Variants in YWHAE observed in about 807,000 individuals in gnomAD.
YWHAE encodes the protein 14-3-3 protein epsilon.
A neutral mutation model predicts 30.1 loss-of-function variants in YWHAE; 4 were observed. That is an observed-to-expected ratio of 0.13 (90% CI 0.07 to 0.30). The LOEUF (loss-of-function observed/expected upper bound fraction) is 0.30. YWHAE is among the 10% of genes least tolerant of loss of function. The pLI is 1.00. For synonymous variants in YWHAE, 118 were observed against 111.8 expected, an observed-to-expected ratio of 1.06 and a Z score of -0.35; for missense variants, 121 against 315.9, an observed-to-expected ratio of 0.38 and a Z score of 4.68.
chr17:1,390,365 T>C (rs1324733776), intron 1 of YWHAE, among the ~76,000 whole-genome samples: 1 of 152,246 alleles, frequency 6.6e-6, no homozygotes, highest in Non-Finnish European at 1.5e-5. Flanking sequence ...TCTTTGTGCA[T>C]ATCTTACATA....
intron 1 of YWHAE, among the ~76,000 whole-genome samples, chr17:1,383,948 G>A (rs945658962): frequency 6.6e-6 from 1 of 151,940 alleles, no homozygotes; most frequent in African/African-American, 2.4e-5. Context: ...GCTCACGCCT[G>A]TAATTCAAGC....
At chr17:1,355,148 A>AAAAAAAAAGT (rs1555639303) in intron 4 of YWHAE, among the ~76,000 whole-genome samples, 1 of 76,796 alleles carries the variant, frequency 1.3e-5, no homozygotes. Context: ...AAAAAAAAAA[A>AAAAAAAAAGT]TTTTTTTTTT....
intron 5 of YWHAE, among the ~76,000 whole-genome samples, chr17:1,353,991 C>T (rs1463887033): frequency 6.6e-6 from 1 of 152,142 alleles, no homozygotes; most frequent in African/African-American, 2.4e-5. Flanking sequence ...CTGTCCTCAA[C>T]CTTTGAAACA....
At chr17:1,348,419 A>C (rs1020191651) in intron 5 of YWHAE, among the ~76,000 whole-genome samples, 1 of 152,220 alleles carries the variant, frequency 6.6e-6, no homozygotes, top group Non-Finnish European at 1.5e-5. Flanking sequence ...TTATGTTCCA[A>C]CATGCTGGGA....
chr17:1,386,713 G>A (rs942630832), intron 1 of YWHAE, among the ~76,000 whole-genome samples: 1 of 152,214 alleles, frequency 6.6e-6, no homozygotes, highest in Non-Finnish European at 1.5e-5. Context: ...TCTCTGGGAG[G>A]CCAAGGCAGG....
chr17:1,374,148 A>C (rs1225863470), intron 1 of YWHAE, among the ~76,000 whole-genome samples: 1 of 151,950 alleles, frequency 6.6e-6, no homozygotes, highest in Non-Finnish European at 1.5e-5. Context: ...CCCCGTCTCT[A>C]CTAAAAATAC....
rs372056173 is a variant in YWHAE, at chr17:1,375,103, T to C, written c.65-10045A>G. On this transcript the variant is annotated intron_variant, in intron 1 of 5. Coordinates refer to ENST00000264335, the MANE Select transcript of YWHAE (RefSeq NM_006761.5). The stretch of plus-strand genomic sequence containing the variant: ...CAAGCACATCACTCCTTCAAGAGTA[T>C]GGAAAGTCAACTTCTCAATCTCTCC... Among the ~76,000 whole-genome samples, 8 of 152,152 alleles carry C rather than the reference T, an allele frequency of 5.3e-5. 1 individual carries two copies. The highest frequency in any genetic ancestry group is 1.2e-4 in the Non-Finnish European group (8 of 68,026).
rs574840757 is a variant in YWHAE at position 1,392,712 on chromosome 17, T to C, written c.64+7335A>G. Among the ~76,000 whole-genome samples, 4 of 151,892 alleles carry C rather than the reference T, an allele frequency of 2.6e-5. No homozygotes were observed. In the South Asian group the frequency reaches 8.3e-4, roughly 32 times the overall value. ...TAAAAATACAAAAATTAGCCAAGCA[T>C]GATGGCCCAAGTCTGTAGTCTCAGC... On this transcript the variant is annotated intron_variant, in intron 1 of 5. Coordinates refer to ENST00000264335, the MANE Select transcript of YWHAE (RefSeq NM_006761.5).
chr17:1,360,146 G>T (rs1482517751), intron 4 of YWHAE, among the ~76,000 whole-genome samples: 1 of 152,104 alleles, frequency 6.6e-6, no homozygotes, highest in African/African-American at 2.4e-5. Flanking sequence ...ATTTTTAATA[G>T]AGACAGAGTT....
chr17:1,378,484 T>G (rs2073156309), intron 1 of YWHAE, among the ~76,000 whole-genome samples: 1 of 152,216 alleles, frequency 6.6e-6, no homozygotes, highest in Non-Finnish European at 1.5e-5. Flanking sequence ...CTTGTTACTA[T>G]TCAGAAATAT....
chr17:1,376,513 T>C (rs2073127334), intron 1 of YWHAE, among the ~76,000 whole-genome samples: 1 of 149,186 alleles, frequency 6.7e-6, no homozygotes, highest in African/African-American at 2.6e-5. Flanking sequence ...TCTTTTCTCT[T>C]AAAGAGACGG....
At chr17:1,399,290 AT>A (rs1392575557) in intron 1 of YWHAE, 7 of 151,942 alleles carry the variant, frequency 4.6e-5, no homozygotes, top group African/African-American at 1.7e-4. Flanking sequence ...GGGAGTGAGG[AT>A]TTTCTGGGCC....
Position 1,374,824 on chromosome 17 carries a change from T to G in YWHAE, c.65-9766A>C, listed in dbSNP as rs1268455166. ...GAGTTGTTCATTTTTAAAACCCCACTGACTCCTCTTAATTCCCCCAACCCC... is the reference window on the plus strand; with the variant it reads ...GAGTTGTTCATTTTTAAAACCCCACGGACTCCTCTTAATTCCCCCAACCCC... On this transcript the variant is annotated intron_variant, in intron 1 of 5. Coordinates refer to ENST00000264335, the MANE Select transcript of YWHAE (RefSeq NM_006761.5). Among the ~76,000 whole-genome samples the G allele has an allele frequency of 2.6e-5, 4 of 152,316 alleles. No homozygotes were observed. The East Asian group carries it at 5.8e-4, about 22-fold the overall frequency.
intron 5 of YWHAE, among the ~76,000 whole-genome samples, chr17:1,350,452 G>A (rs1360943884): frequency 2.0e-5 from 3 of 150,614 alleles, no homozygotes; most frequent in Admixed American, 6.6e-5. Context: ...GTTTTGTTTC[G>A]TTTCTTTGAG....
chr17:1,399,812 GC>G (rs539690392), intron 1 of YWHAE: 12 of 237,302 alleles, frequency 5.1e-5, no homozygotes, highest in African/African-American at 3.0e-4. Context: ...CCACCCCGTC[GC>G]CCCGGCCTCC....
intron 5 of YWHAE, among the ~76,000 whole-genome samples, chr17:1,353,501 G>A (rs537377720): frequency 8.6e-5 from 13 of 151,566 alleles, no homozygotes; most frequent in East Asian, 5.8e-4. Flanking sequence ...AGTGGCTAAC[G>A]CCTGTAATCC....
Position 1,345,499 on chromosome 17 carries a change from C to T in YWHAE, c.716G>A (p.Gly239Asp). The change falls in exon 6 of 6, where the codon GGT becomes GAT. Residue 239 changes from glycine (G) to aspartate (D), a missense_variant and splice_region_variant. By Grantham distance (94) the Gly-to-Asp change is moderately conservative. Coordinates refer to ENST00000264335, the MANE Select transcript of YWHAE (RefSeq NM_006761.5). ...CAGCGCTTCTTTATTCTGCTCTTCACCTGTTAAAAAAGAAAAAAAGTCAAT... is the reference window on the plus strand; with the variant it reads ...CAGCGCTTCTTTATTCTGCTCTTCATCTGTTAAAAAAGAAAAAAAGTCAAT... ...TLWTSDMQGD[G>D]EEQNKEALQD... The T allele has an allele frequency of 1.2e-6, 2 of 1,613,564 alleles. No individual in the cohort carries two copies. Among genetic ancestry groups the T allele is most frequent in the Non-Finnish European group, 8.5e-7 (1 of 1,179,838 alleles).
At chr17:1,361,859 C>T in intron 3 of YWHAE, 43 bp downstream of exon 3, 1 of 1,376,804 alleles carries the variant, frequency 7.3e-7, no homozygotes, top group Non-Finnish European at 1.0e-6. Flanking sequence ...TCTAAAAGGA[C>T]CAACTTTCAA....
chr17:1,366,484 A>C (rs1193130939), intron 1 of YWHAE, among the ~76,000 whole-genome samples: 1 of 152,090 alleles, frequency 6.6e-6, no homozygotes, highest in African/African-American at 2.4e-5. Context: ...ATTGCAACTG[A>C]GATCGCCCCA....
Sources: gnomAD v4.1 joint callset for allele counts (sites outside exome capture counted in the v4.1 genomes callset) on GRCh38, gnomAD v4.1.1 for gene constraint, MANE v1.5 for transcripts, NCBI Gene and HGNC (gene_info 2026-07-23, HGNC 2026-07-21) for gene names.